TXNDC16: variants seen among roughly 807,000 people sequenced by gnomAD.
TXNDC16 encodes thioredoxin domain containing 16, also known as thioredoxin domain-containing protein 16.
Under a neutral mutation model 85.6 loss-of-function variants are expected in TXNDC16, and 74 were observed. The ratio of observed to expected loss-of-function variants is 0.86; its 90% CI spans 0.72 to 1.05. The LOEUF is 1.05. Among genes scored for constraint, TXNDC16 ranks in the 50% least tolerant of loss-of-function variants. TXNDC16 has a pLI of 0.00. For synonymous variants in TXNDC16, 335 were observed against 326.5 expected, an observed-to-expected ratio of 1.03 and a Z score of -0.28; for missense variants, 959 against 947.0, an observed-to-expected ratio of 1.01 and a Z score of -0.17.
At chr14:52,492,791 C>G (rs2036438338) in intron 9 of TXNDC16, among the ~76,000 whole-genome samples, 1 of 152,292 alleles carries the variant, frequency 6.6e-6, no homozygotes, top group East Asian at 1.9e-4. Context: ...GTGCCACCTT[C>G]TCACCATTCC....
chr14:52,439,457 A>C (rs2035115729), intron 19 of TXNDC16, 63 bp from the exon 20 acceptor site: 1 of 1,436,240 alleles, frequency 7.0e-7, no homozygotes, highest in Non-Finnish European at 9.4e-7. Context: ...TGAAAATAGT[A>C]ATTCGTAGAA....
At position 52,482,236 on chromosome 14, in the gene TXNDC16, G is replaced by C; in HGVS notation, c.1306C>G (p.Leu436Val). ...GCATAGCACAGTACACTACCTTTCA[G>C]TTTAACTGCCACATCAATATAGGAT... The part of the protein sequence containing the change: ...LQSYIDVAVK[L>V]KGTSTMLLTR... Residue 436 changes from leucine (L) to valine (V), a missense_variant, in exon 14 of 21, where the codon CTG becomes GTG. Physicochemically the swap from Leu to Val is conservative, Grantham distance 32. Transcript: ENST00000281741. The C allele has an allele frequency of 6.2e-7, 1 of 1,611,790 alleles. No homozygotes were observed. Among genetic ancestry groups the C allele is most frequent in the Non-Finnish European group, 8.5e-7 (1 of 1,178,808 alleles).
chr14:52,460,764 T>C (rs67875014), intron 16 of TXNDC16, among the ~76,000 whole-genome samples: 61,263 of 151,560 alleles, frequency 0.4, 12,806 homozygotes, highest in African/African-American at 0.52. Flanking sequence ...AATATGTCTA[T>C]AGAATATGTC....
intron 6 of TXNDC16, among the ~76,000 whole-genome samples, chr14:52,523,253 CT>C (rs1203689292): frequency 4.6e-5 from 7 of 152,206 alleles, no homozygotes; most frequent in African/African-American, 7.2e-5. Context: ...CCAGAAAGGC[CT>C]TCATTTTCTT....
intron 13 of TXNDC16, 107 bp downstream of exon 13, chr14:52,482,715 A>G: frequency 3.0e-6 from 3 of 1,013,234 alleles, no homozygotes; most frequent in Non-Finnish European, 4.1e-6. Flanking sequence ...CTTGAGACAT[A>G]CGAAAGCAAT....
At chr14:52,473,739 C>T (rs1314496017) in intron 14 of TXNDC16, among the ~76,000 whole-genome samples, 3 of 152,096 alleles carry the variant, frequency 2.0e-5, no homozygotes, top group African/African-American at 4.8e-5. Context: ...ATCTTAGATA[C>T]AGGTATTATG....
Position 52,490,858 on chromosome 14 carries a change from C to T in TXNDC16, c.904G>A (p.Gly302Arg), listed in dbSNP as rs1282805665. ...WVAWRLLGKA[G>R]VLLLLRDSLE... ...AGATACCTTAACAAGAGTAGAACTC[C>T]TGCTTTTCCCAGAAGACGCCAAGCA... Residue 302 changes from glycine to arginine, a missense_variant, in exon 10 of 21, where the codon GGA (glycine) becomes AGA (arginine). Coordinates refer to ENST00000281741, the MANE Select transcript of TXNDC16 (RefSeq NM_020784.3). 1 of 1,611,400 alleles carries T rather than the reference C, an allele frequency of 6.2e-7. No homozygotes were observed. The highest frequency in any genetic ancestry group is 1.3e-5 in the African/African-American group (1 of 74,634).
intron 3 of TXNDC16, among the ~76,000 whole-genome samples, chr14:52,542,699 A>G (rs1483226610): frequency 6.6e-6 from 1 of 152,174 alleles, no homozygotes. Context: ...ACAATATAAT[A>G]AATGTTTCGT....
chr14:52,537,624 C>G lies in TXNDC16; in HGVS notation c.292G>C (p.Asp98His), dbSNP rs947191574. The change falls in exon 5 of 21, where the codon GAT becomes CAT. Residue 98 changes from aspartate to histidine, a missense_variant. By Grantham distance (81) the Asp-to-His change is moderately conservative. Transcript: ENST00000281741. ...TTGAATAAATATGCTTTCATCAAAT[C>G]CTTTTCTTTTCCACAGTATCTTGAT... ...EISRYCGKEK[D>H]LMKAYLFKGN... 5 of 1,591,700 alleles carry G rather than the reference C, an allele frequency of 3.1e-6. No individual in the cohort carries two copies. The highest frequency in any genetic ancestry group is 4.3e-6 in the Non-Finnish European group (5 of 1,161,660).
Position 52,520,199 on chromosome 14 carries a change from A to G in TXNDC16, c.393-906T>C, listed in dbSNP as rs2037176929. Among the ~76,000 whole-genome samples the G allele has an allele frequency of 2.0e-5, 3 of 152,238 alleles. No homozygotes were observed. In the South Asian group the frequency reaches 6.2e-4, roughly 32 times the overall value. On this transcript the variant is annotated intron_variant, in intron 6 of 20. Coordinates refer to ENST00000281741, the MANE Select transcript of TXNDC16 (RefSeq NM_020784.3). Reference sequence around the variant, plus strand: ...TATTGAATCAAGAAGCCAGGGACAGAATACAGAACAGGTGTTCTCAGTCCT... The same window carrying G: ...TATTGAATCAAGAAGCCAGGGACAGGATACAGAACAGGTGTTCTCAGTCCT...
At chr14:52,521,120 CT>C (rs1555341257) in intron 6 of TXNDC16, among the ~76,000 whole-genome samples, 7 of 148,250 alleles carry the variant, frequency 4.7e-5, no homozygotes, top group Admixed American at 2.0e-4. Context: ...TGGTGTTTTA[CT>C]TTTTTTTTTG....
chr14:52,507,264 C>T (rs2036833590), intron 9 of TXNDC16, among the ~76,000 whole-genome samples: 1 of 152,062 alleles, frequency 6.6e-6, no homozygotes, highest in African/African-American at 2.4e-5. Flanking sequence ...TTCTTATACA[C>T]CAAGGACAGA....
chr14:52,490,363 T>C (rs1255451680), intron 11 of TXNDC16, 28 bp downstream of exon 11: 6 of 1,510,458 alleles, frequency 4.0e-6, no homozygotes, highest in Non-Finnish European at 5.4e-6. Flanking sequence ...TAAACAGATA[T>C]TGTAGAACAA....
chr14:52,542,253 A>G (rs3818515), intron 4 of TXNDC16, 118 bp downstream of exon 4: 58,289 of 682,228 alleles, frequency 0.085, 3,022 homozygotes, highest in East Asian at 0.18. Context: ...TATGAAAAAA[A>G]TATATTTCCA....
chr14:52,466,068 GT>G (rs1422129116), intron 16 of TXNDC16, among the ~76,000 whole-genome samples: 1 of 151,856 alleles, frequency 6.6e-6, no homozygotes, highest in African/African-American at 2.4e-5. Flanking sequence ...TGTTGGAAAA[GT>G]GAATGAAGGA....
Position 52,462,977 on chromosome 14 carries a change from G to A in TXNDC16, c.1619-5803C>T, listed in dbSNP as rs766263979. Reference sequence around the variant, plus strand: ...TCATTGACTTTTTTCCTACCTATGAGTGCAAGAAAAAGAAACAAAGGGGAT... The same window carrying A: ...TCATTGACTTTTTTCCTACCTATGAATGCAAGAAAAAGAAACAAAGGGGAT... On this transcript the variant is annotated intron_variant, in intron 16 of 20. Transcript: ENST00000281741. 11 of 455,748 alleles carry A rather than the reference G, an allele frequency of 2.4e-5. No homozygotes were observed. In the East Asian group the frequency reaches 7.0e-4, roughly 29 times the overall value. 28.2% of individuals were successfully genotyped at this position (455,748 alleles called of 1,614,324 possible).
rs1566581555 is a variant in TXNDC16, at chr14:52,530,153, A to ATTT, written c.392+6565_392+6566insAAA. 3.9e-4 allele frequency among the ~76,000 whole-genome samples: 29 copies of ATTT among 74,266 alleles called. 1 individual carries two copies. Among genetic ancestry groups the ATTT allele is most frequent in the African/African-American group, 1.4e-3 (22 of 15,632 alleles). The allele number at this position is 74,266 out of a possible 152,430, so 48.7% of individuals were successfully genotyped here. Reference sequence around the variant, plus strand: ...ATTACAATTTACATATATTTTATATATAATTTATATATATTATATTATATA... The same window carrying ATTT: ...ATTACAATTTACATATATTTTATATATTTTAATTTATATATATTATATTATATA... On this transcript the variant is annotated intron_variant, in intron 6 of 20. Coordinates refer to ENST00000281741, the MANE Select transcript of TXNDC16 (RefSeq NM_020784.3).
chr14:52,519,802 A>G (rs954771599), intron 6 of TXNDC16, among the ~76,000 whole-genome samples: 1 of 152,208 alleles, frequency 6.6e-6, no homozygotes, highest in Admixed American at 6.5e-5. Flanking sequence ...GCTCCATTTC[A>G]TAAGTATGAT....
intron 6 of TXNDC16, among the ~76,000 whole-genome samples, chr14:52,529,674 TA>T (rs2037438070): frequency 8.4e-5 from 9 of 107,250 alleles, no homozygotes; most frequent in African/African-American, 2.1e-4. Context: ...CTATTATATA[TA>T]ATATATATAA....
Sources: gnomAD v4.1 joint callset for allele counts (sites outside exome capture counted in the v4.1 genomes callset) on GRCh38, gnomAD v4.1.1 for gene constraint, MANE v1.5 for transcripts, NCBI Gene and HGNC (gene_info 2026-07-23, HGNC 2026-07-21) for gene names.